The following PHTF2 variants were observed in gnomAD, a reference collection of about 807,000 sequenced individuals.
PHTF2 encodes protein PHTF2.
PHTF2 carries 60 observed loss-of-function variants against 101.2 expected under a neutral mutation model. The observed-to-expected ratio is 0.59, with a 90% CI of 0.48 to 0.73. The LOEUF (loss-of-function observed/expected upper bound fraction) is 0.73, where lower values mean the gene tolerates loss of function less well. Among genes scored for constraint, PHTF2 ranks in the 30% least tolerant of loss-of-function variants. The pLI is 0.00. For missense variants in PHTF2, 747 were observed against 908.7 expected, an observed-to-expected ratio of 0.82 and a Z score of 2.29; for synonymous variants, 311 against 307.3, an observed-to-expected ratio of 1.01 and a Z score of -0.13.
At chr7:77,899,099 G>A (rs1167966457) in intron 5 of PHTF2, among the ~76,000 whole-genome samples, 2 of 152,154 alleles carry the variant, frequency 1.3e-5, no homozygotes, top group Non-Finnish European at 2.9e-5. Flanking sequence ...CACTGTGCCT[G>A]GGTGAACAGA....
intron 1 of PHTF2, among the ~76,000 whole-genome samples, chr7:77,827,767 G>A (rs1010323276): frequency 6.6e-6 from 1 of 152,056 alleles, no homozygotes. Flanking sequence ...AGGATCCCAA[G>A]TAGCTGGGAT....
At chr7:77,861,149 TTTTA>T (rs1486612338) in intron 3 of PHTF2, among the ~76,000 whole-genome samples, 6 of 152,068 alleles carry the variant, frequency 3.9e-5, no homozygotes, top group African/African-American at 7.2e-5. Context: ...CTTTTTTTAT[TTTTA>T]TTTATTTATT....
At chr7:77,924,263 T>A (rs917598611) in intron 11 of PHTF2, 1 of 419,636 alleles carries the variant, frequency 2.4e-6, no homozygotes, top group African/African-American at 2.2e-5. Context: ...CAATTGCTAG[T>A]AATGTTTTTT....
At chr7:77,913,830 C>T (rs528989641) in intron 9 of PHTF2, among the ~76,000 whole-genome samples, 101 of 152,198 alleles carry the variant, frequency 6.6e-4, no homozygotes, top group African/African-American at 2.2e-3. Context: ...AAAGGTAGAT[C>T]AGTCAGGCAT....
At chr7:77,938,366 C>CT (rs1426181508) in intron 13 of PHTF2, among the ~76,000 whole-genome samples, 8 of 152,120 alleles carry the variant, frequency 5.3e-5, no homozygotes, top group Non-Finnish European at 1.0e-4. Context: ...TCAAAGAAGT[C>CT]TAATTGAAAT....
chr7:77,895,640 A>G (rs1355563716), intron 5 of PHTF2, among the ~76,000 whole-genome samples: 2 of 152,068 alleles, frequency 1.3e-5, no homozygotes, highest in African/African-American at 4.8e-5. Context: ...ACAAATTACT[A>G]TTTGTATTCA....
intron 1 of PHTF2, among the ~76,000 whole-genome samples, chr7:77,799,857 C>T (rs1792391915): frequency 6.6e-6 from 1 of 152,178 alleles, no homozygotes; most frequent in Non-Finnish European, 1.5e-5. Flanking sequence ...TTTTGAAATT[C>T]ATGGTGAATA....
intron 3 of PHTF2, among the ~76,000 whole-genome samples, chr7:77,893,224 TTTTG>T (rs1357180405): frequency 6.6e-6 from 1 of 152,146 alleles, no homozygotes; most frequent in Non-Finnish European, 1.5e-5. Context: ...CCTGATAGTT[TTTTG>T]TTTTTTTTCT....
intron 2 of PHTF2, among the ~76,000 whole-genome samples, chr7:77,845,879 G>A (rs148052018): frequency 1.3e-5 from 2 of 152,272 alleles, no homozygotes; most frequent in East Asian, 1.9e-4. Flanking sequence ...TGGCTTTCAA[G>A]CTAAACCGTG....
chr7:77,883,189 G>A (rs1269136666), intron 3 of PHTF2, among the ~76,000 whole-genome samples: 1 of 151,932 alleles, frequency 6.6e-6, no homozygotes, highest in African/African-American at 2.4e-5. Context: ...GATATCCAAA[G>A]GATTGAGAAC....
At chr7:77,949,812 C>T (rs760019743) in exon 17 of PHTF2, 5 of 1,502,178 alleles carry the variant, frequency 3.3e-6, no homozygotes, top group Non-Finnish European at 4.6e-6. Flanking sequence ...ATAGTAATAC[C>T]TCAATATTAC....
intron 7 of PHTF2, among the ~76,000 whole-genome samples, chr7:77,908,176 G>A (rs1802041631): frequency 6.6e-6 from 1 of 152,106 alleles, no homozygotes. Context: ...CTATCCCTGA[G>A]GTGGGAGAAA....
intron 3 of PHTF2, among the ~76,000 whole-genome samples, chr7:77,867,689 T>C (rs1018453701): frequency 3.9e-5 from 6 of 152,202 alleles, no homozygotes; most frequent in African/African-American, 1.2e-4. Flanking sequence ...GCTAAGGAGT[T>C]CTGGTGTATC....
intron 17 of PHTF2, among the ~76,000 whole-genome samples, 160 bp from the exon 17 acceptor site, chr7:77,951,457 C>T (rs1411009098): frequency 6.6e-6 from 1 of 151,670 alleles, no homozygotes; most frequent in Non-Finnish European, 1.5e-5. Context: ...TTATTATTTT[C>T]CTATTATAAA....
At chr7:77,910,915 T>C (rs1802331995) in intron 9 of PHTF2, among the ~76,000 whole-genome samples, 1 of 152,206 alleles carries the variant, frequency 6.6e-6, no homozygotes, top group African/African-American at 2.4e-5. Flanking sequence ...CCAGGATTTC[T>C]TGATTTTGGT....
At chr7:77,948,464 G>T (rs1044000607) in intron 16 of PHTF2, among the ~76,000 whole-genome samples, 3 of 152,074 alleles carry the variant, frequency 2.0e-5, no homozygotes, top group Non-Finnish European at 4.4e-5. Flanking sequence ...GATCACAAAT[G>T]AAAATTAAAA....
Position 77,840,203 on chromosome 7 carries a change from T to G in PHTF2, c.-35-18T>G. ...GGTGGGAAATAAAGTCATTTGTATG[T>G]TTTTCTCTCTTGCACAGCCTAAAAT... is the stretch of plus-strand genomic sequence containing the variant. On this transcript the variant is annotated intron_variant, in intron 1 of 19. Transcript: ENST00000416283. The G allele has an allele frequency of 7.5e-7, 1 of 1,339,036 alleles. No individual in the cohort carries two copies. Among genetic ancestry groups the G allele is most frequent in the East Asian group, 2.3e-5 (1 of 43,312 alleles). The allele number at this position is 1,339,036 out of a possible 1,614,324, so 82.9% of individuals were successfully genotyped here.
intron 1 of PHTF2, among the ~76,000 whole-genome samples, chr7:77,813,645 A>G (rs553225387): frequency 6.6e-6 from 1 of 152,344 alleles, no homozygotes; most frequent in Non-Finnish European, 1.5e-5. Flanking sequence ...TATTTAAGCA[A>G]TAATGAAATG....
At chr7:77,856,335 A>T (rs1485940427) in intron 3 of PHTF2, among the ~76,000 whole-genome samples, 1 of 152,002 alleles carries the variant, frequency 6.6e-6, no homozygotes, top group Non-Finnish European at 1.5e-5. Context: ...TCAAAAATAA[A>T]TTTTTAAAAA....
Sources: allele counts gnomAD v4.1 joint callset (sites outside exome capture counted in the v4.1 genomes callset), GRCh38; gene constraint gnomAD v4.1.1; transcripts MANE v1.5; gene names NCBI Gene and HGNC (gene_info 2026-07-23, HGNC 2026-07-21).